The following DOCK11 variants were observed in gnomAD, a reference collection of about 807,000 sequenced individuals.
DOCK11 encodes dedicator of cytokinesis 11.
A neutral mutation model predicts 169.1 loss-of-function variants in DOCK11; 70 were observed. The observed-to-expected ratio is 0.41, with a 90% CI of 0.34 to 0.51. The LOEUF (loss-of-function observed/expected upper bound fraction) is 0.51, where lower values mean the gene tolerates loss of function less well. Ranked by LOEUF, DOCK11 falls within the 20% of genes least tolerant of loss-of-function variation. The pLI is 0.10. For synonymous variants in DOCK11, 529 were observed against 541.3 expected (o/e 0.98, Z 0.32); for missense variants, 1,166 against 1,538.8 (o/e 0.76, Z 4.05).
intron 40 of DOCK11, among the ~76,000 whole-genome samples, chrX:118,647,945 A>C (rs1409304763): frequency 1.7e-4 from 9 of 51,478 alleles, no homozygotes; most frequent in African/African-American, 7.6e-4. Context: ...ATATTTTATA[A>C]TATATAATAA....
intron 40 of DOCK11, among the ~76,000 whole-genome samples, chrX:118,646,763 A>G (rs1399071353): frequency 8.9e-6 from 1 of 111,921 alleles, no homozygotes; most frequent in African/African-American, 3.2e-5. Flanking sequence ...CCAATTCCCA[A>G]TCAGAAAACA....
intron 42 of DOCK11, among the ~76,000 whole-genome samples, chrX:118,653,639 C>G (rs2015999028): frequency 9.0e-6 from 1 of 111,493 alleles, no homozygotes; most frequent in Non-Finnish European, 1.9e-5. Flanking sequence ...GTCTCGAACT[C>G]CTGATCTCAG....
At chrX:118,615,980 A>T (rs1354056212) in intron 30 of DOCK11, among the ~76,000 whole-genome samples, 1 of 111,827 alleles carries the variant, frequency 8.9e-6, no homozygotes, top group East Asian at 2.8e-4. Context: ...AGTGTTTGGG[A>T]TCTTGTATGA....
At chrX:118,554,289 C>T in intron 6 of DOCK11, among the ~76,000 whole-genome samples, 2 of 111,952 alleles carry the variant, frequency 1.8e-5, no homozygotes, top group Middle Eastern at 4.6e-3. Flanking sequence ...GTGGCTCACA[C>T]TTGTAATCCC....
At chrX:118,665,153 C>A (rs1297650480) in intron 45 of DOCK11, among the ~76,000 whole-genome samples, 7 of 112,008 alleles carry the variant, frequency 6.2e-5, no homozygotes, top group Admixed American at 5.7e-4. Context: ...AGAATAATGT[C>A]AGGTTTTATC....
chrX:118,605,327 T>C lies in DOCK11; in HGVS notation c.2652T>C (p.His884=). 1 of 1,194,499 alleles carries C rather than the reference T, an allele frequency of 8.4e-7. No individual in the cohort carries two copies. Among genetic ancestry groups the C allele is most frequent in the Non-Finnish European group, 1.1e-6 (1 of 884,542 alleles). Residue 884 remains histidine, a synonymous_variant, in exon 24 of 53, where the codon CAT becomes CAC. Transcript: ENST00000276202. Reference sequence around the variant, plus strand: ...TCCGAGTTCTCACAAATATGACCCATGAAGATGACGTTCCTATCAACTGCA... The same window carrying C: ...TCCGAGTTCTCACAAATATGACCCACGAAGATGACGTTCCTATCAACTGCA... The part of the protein sequence containing the change: ...QLFRVLTNMT[H]EDDVPINCTM...
chrX:118,585,241 C>G (rs2013783012), intron 16 of DOCK11, 124 bp downstream of exon 16: 2 of 602,293 alleles, frequency 3.3e-6, no homozygotes, highest in East Asian at 7.2e-5. Flanking sequence ...GCACAAAGTA[C>G]TGTTACAAAT....
intron 1 of DOCK11, among the ~76,000 whole-genome samples, chrX:118,526,961 T>G (rs983458749): frequency 7.1e-5 from 8 of 111,914 alleles, no homozygotes; most frequent in Non-Finnish European, 1.5e-4. Flanking sequence ...TTAAACACGA[T>G]GGGACTCCAA....
chrX:118,537,251 G>A (rs2011790982), intron 1 of DOCK11, among the ~76,000 whole-genome samples: 2 of 111,343 alleles, frequency 1.8e-5, no homozygotes, highest in South Asian at 7.4e-4. Flanking sequence ...TGGCGTGGTG[G>A]TGCAGGGATG....
At chrX:118,611,211 T>A (rs1201840765) in intron 28 of DOCK11, among the ~76,000 whole-genome samples, 2 of 112,185 alleles carry the variant, frequency 1.8e-5, no homozygotes, top group Non-Finnish European at 3.8e-5. Flanking sequence ...TTTCTCCACA[T>A]CCTCACCAAC....
intron 4 of DOCK11, among the ~76,000 whole-genome samples, chrX:118,543,931 C>A (rs757539430): frequency 1.8e-5 from 2 of 112,054 alleles, no homozygotes; most frequent in Non-Finnish European, 3.8e-5. Flanking sequence ...GCTTGGGCGA[C>A]AGATAGAGAC....
intron 4 of DOCK11, among the ~76,000 whole-genome samples, chrX:118,544,281 G>T (rs1162022651): frequency 2.7e-5 from 3 of 111,584 alleles, no homozygotes; most frequent in Non-Finnish European, 1.9e-5. Flanking sequence ...TGAAGGAATG[G>T]CATGAGCACA....
intron 33 of DOCK11, 97 bp downstream of exon 33, chrX:118,627,676 A>G: frequency 1.6e-6 from 1 of 610,638 alleles, no homozygotes; most frequent in East Asian, 3.4e-5. Flanking sequence ...TAAAGACCAT[A>G]CATAGCTTGA....
At chrX:118,590,135 A>C in intron 18 of DOCK11, 75 bp from the exon 19 acceptor site, 1 of 913,506 alleles carries the variant, frequency 1.1e-6, no homozygotes, top group East Asian at 3.1e-5. Flanking sequence ...AGATGCCTCT[A>C]ACTATATGTG....
At chrX:118,567,962 A>G (rs970632871) in intron 9 of DOCK11, 117 bp from the exon 10 acceptor site, 5 of 341,120 alleles carry the variant, frequency 1.5e-5, no homozygotes, top group Non-Finnish European at 2.5e-5. Context: ...TACAGGATGA[A>G]TGGTATATTT....
intron 45 of DOCK11, among the ~76,000 whole-genome samples, chrX:118,664,455 A>G (rs962310414): frequency 9.0e-6 from 1 of 110,567 alleles, no homozygotes; most frequent in Admixed American, 9.7e-5. Flanking sequence ...CAGGAGTTCG[A>G]GACCAGCCTG....
Position 118,671,116 on chromosome X carries a change from C to G in DOCK11, c.5170C>G (p.Pro1724Ala), listed in dbSNP as rs769896560. ...IISEISKLIVPIYEKRREFEK... is the reference protein window; with the variant it reads ...IISEISKLIVAIYEKRREFEK... The stretch of plus-strand genomic sequence containing the variant: ...TTCTGAGATTTCCAAGTTGATCGTT[C>G]CAATTTATGAGAAACGTCGTGAGTT... The change falls in exon 46 of 53, where the codon CCA (proline) becomes GCA (alanine). Residue 1724 changes from proline to alanine, a missense_variant. Pro to Ala is a conservative substitution (Grantham distance 27). Coordinates refer to ENST00000276202, the MANE Select transcript of DOCK11 (RefSeq NM_144658.4). The G allele has an allele frequency of 1.7e-6, 2 of 1,205,053 alleles. No individual in the cohort carries two copies. Among genetic ancestry groups the G allele is most frequent in the Admixed American group, 2.2e-5 (1 of 45,790 alleles).
At chrX:118,598,747 T>C (rs1445601191) in intron 22 of DOCK11, among the ~76,000 whole-genome samples, 1 of 112,659 alleles carries the variant, frequency 8.9e-6, no homozygotes, top group Non-Finnish European at 1.9e-5. Context: ...TGCCTGAGAC[T>C]ATTGTTCTGC....
intron 6 of DOCK11, among the ~76,000 whole-genome samples, chrX:118,559,066 C>A (rs1470534002): frequency 9.0e-6 from 1 of 111,702 alleles, no homozygotes; most frequent in Admixed American, 9.5e-5. Context: ...AGCTACCTAC[C>A]CTAGTGTCAC....
Sources: allele counts gnomAD v4.1 joint callset (sites outside exome capture counted in the v4.1 genomes callset), GRCh38; gene constraint gnomAD v4.1.1; transcripts MANE v1.5; gene names NCBI Gene and HGNC (gene_info 2026-07-23, HGNC 2026-07-21).